AGO1: variants seen among roughly 807,000 people sequenced by gnomAD.
AGO1 encodes the protein protein argonaute-1.
In AGO1, 11 loss-of-function variants were observed where a neutral mutation model predicts 109.2. That is an observed-to-expected ratio of 0.10 (90% CI 0.06 to 0.17). The LOEUF is 0.17. Ranked by LOEUF, AGO1 falls within the 10% of genes least tolerant of loss-of-function variation. The pLI is 1.00. For missense variants in AGO1, 574 were observed against 1,140.3 expected (o/e 0.50, Z 7.15); for synonymous variants, 422 against 418.6 (o/e 1.01, Z -0.10).
intron 11 of AGO1, among the ~76,000 whole-genome samples, chr1:35,905,921 CT>C (rs1032852863): frequency 1.4e-4 from 21 of 152,292 alleles, no homozygotes; most frequent in African/African-American, 4.8e-4. Flanking sequence ...TGAAAAAATA[CT>C]TTCTCATAAA....
chr1:35,876,963 T>C (rs1018399860), intron 1 of AGO1, among the ~76,000 whole-genome samples: 25 of 152,184 alleles, frequency 1.6e-4, no homozygotes, highest in Non-Finnish European at 2.9e-5. Flanking sequence ...AATTTTTCTA[T>C]TTTTTGTAGA....
At chr1:35,891,595 C>T (rs986341451) in intron 2 of AGO1, among the ~76,000 whole-genome samples, 6 of 151,614 alleles carry the variant, frequency 4.0e-5, no homozygotes, top group South Asian at 2.1e-4. Flanking sequence ...GACGGAGTCT[C>T]ACTTTATCGT....
chr1:35,893,537 T>A lies in AGO1; in HGVS notation c.513-137T>A. On this transcript the variant is annotated intron_variant, in intron 4 of 18. Transcript: ENST00000373204. The surrounding 1 kb of genome is among the most constrained non-coding windows in gnomAD (Gnocchi z 5.6). ...GTAGAAACTTGTACAAGGTCAGTCA[T>A]ACAACTAGTAAAGCATCAGAGCTGG... 1 of 973,692 alleles carries A rather than the reference T, an allele frequency of 1.0e-6. No individual in the cohort carries two copies. The highest frequency in any genetic ancestry group is 1.7e-5 in the South Asian group (1 of 58,386). 60.3% of individuals were successfully genotyped at this position (973,692 alleles called of 1,614,324 possible).
At chr1:35,879,529 G>T (rs1481145820), upstream of AGO1, among the ~76,000 whole-genome samples, 1 of 151,708 alleles carries the variant, frequency 6.6e-6, no homozygotes, top group Non-Finnish European at 1.5e-5. Context: ...AGGCCGAGGT[G>T]GGCGGATCAC....
At chr1:35,877,897 T>C (rs1645005145) in intron 1 of AGO1, among the ~76,000 whole-genome samples, 1 of 151,696 alleles carries the variant, frequency 6.6e-6, no homozygotes, top group Non-Finnish European at 1.5e-5. Flanking sequence ...CTCACCATAT[T>C]GGCCAGGCTG....
chr1:35,872,318 C>T (rs1013107463), intron 1 of AGO1, among the ~76,000 whole-genome samples: 2 of 150,396 alleles, frequency 1.3e-5, no homozygotes, highest in African/African-American at 2.4e-5. Context: ...CCTGAGTAGT[C>T]GGGATTACAG....
chr1:35,901,824 T>C lies in AGO1; in HGVS notation c.1141-124T>C. On this transcript the variant is annotated intron_variant, in intron 9 of 18. Transcript: ENST00000373204. This position sits in a 1 kb window ranked among gnomAD's most constrained non-coding sequence, Gnocchi z 4.8. ...CACTTCCCTCATCTTCCACTTTCTCTCTCTTTTTAGGACTATTCCGTACCA... is the reference window on the plus strand; with the variant it reads ...CACTTCCCTCATCTTCCACTTTCTCCCTCTTTTTAGGACTATTCCGTACCA... The C allele has an allele frequency of 7.1e-6, 10 of 1,412,286 alleles. No homozygotes were observed. Among genetic ancestry groups the C allele is most frequent in the Non-Finnish European group, 9.6e-6 (10 of 1,041,104 alleles). 87.5% of individuals were successfully genotyped at this position (1,412,286 alleles called of 1,614,324 possible).
chr1:35,895,002 C>T (rs990736480), intron 7 of AGO1, 120 bp from the exon 8 acceptor site: 1 of 1,217,250 alleles, frequency 8.2e-7, no homozygotes, highest in African/African-American at 1.6e-5. Context: ...TTCCTTCCTG[C>T]ACATCATATT....
intron 1 of AGO1, among the ~76,000 whole-genome samples, chr1:35,875,820 T>C (rs1414780230): frequency 6.6e-6 from 1 of 152,238 alleles, no homozygotes; most frequent in Non-Finnish European, 1.5e-5. Flanking sequence ...CCAAGAGCTC[T>C]GATGGAGTTG....
At chr1:35,870,435 C>T (rs897151893) in intron 1 of AGO1, among the ~76,000 whole-genome samples, 16 of 152,106 alleles carry the variant, frequency 1.1e-4, no homozygotes, top group African/African-American at 1.7e-4. Context: ...AGGCGCCCGC[C>T]ACCACGCCCG....
rs1002947890 is a variant in AGO1 at position 35,923,102 on chromosome 1, C to G, written c.*3495C>G. ...CAGTCCAACCTGATCCATTAGGGAT[C>G]GAGGTGCTACACTGGCCTCCAGGGA... On this transcript the variant is annotated 3_prime_UTR_variant, in exon 19 of 19. Transcript: ENST00000373204. 6.6e-6 allele frequency: 1 copy of G among 152,138 alleles called. No homozygotes were observed. Among genetic ancestry groups the G allele is most frequent in the Non-Finnish European group, 1.5e-5 (1 of 68,044 alleles). 9.4% of individuals were successfully genotyped at this position (152,138 alleles called of 1,614,324 possible). A position where few individuals can be genotyped will look rare whatever the true frequency, so the allele number is the denominator to read the frequency against.
chr1:35,914,264 C>T lies in AGO1; in HGVS notation c.1823C>T (p.Ser608Phe). The change falls in exon 14 of 19, where the codon TCT becomes TTT. Residue 608 changes from serine (S) to phenylalanine (F), a missense_variant. Coordinates refer to ENST00000373204, the MANE Select transcript of AGO1 (RefSeq NM_012199.5). ...HPPAGDGKKP[S>F]ITAVVGSMDA... ...CCAGCAGGGGATGGGAAAAAACCTTCTATCACAGCAGTGAGTGATATTCTG... is the reference window on the plus strand; with the variant it reads ...CCAGCAGGGGATGGGAAAAAACCTTTTATCACAGCAGTGAGTGATATTCTG... 6.2e-7 allele frequency: 1 copy of T among 1,613,878 alleles called. No individual in the cohort carries two copies. The highest frequency in any genetic ancestry group is 8.5e-7 in the Non-Finnish European group (1 of 1,179,734).
rs758585810 is a variant in AGO1 at position 35,919,621 on chromosome 1, T to A, written c.*14T>A. 2 of 1,609,012 alleles carry A rather than the reference T, an allele frequency of 1.2e-6. No individual in the cohort carries two copies. Among genetic ancestry groups the A allele is most frequent in the Admixed American group, 3.3e-5 (2 of 59,724 alleles). ...TACTTCGCTTGAAGGCAGAACGCTG[T>A]TACCTCACTGGATAGAAGAAAGCTT... On this transcript the variant is annotated 3_prime_UTR_variant, in exon 19 of 19. Coordinates refer to ENST00000373204, the MANE Select transcript of AGO1 (RefSeq NM_012199.5). This position sits in a 1 kb window ranked among gnomAD's most constrained non-coding sequence, Gnocchi z 6.6.
At chr1:35,896,254 C>T (rs903476768) in intron 8 of AGO1, among the ~76,000 whole-genome samples, 1 of 152,234 alleles carries the variant, frequency 6.6e-6, no homozygotes, top group African/African-American at 2.4e-5. Flanking sequence ...CCACCTTGGC[C>T]TCCCAAAGTG....
chr1:35,876,780 A>G (rs1055490747), intron 1 of AGO1, among the ~76,000 whole-genome samples: 5 of 152,102 alleles, frequency 3.3e-5, no homozygotes, highest in African/African-American at 1.2e-4. Context: ...ATTGCATGCT[A>G]TAGAGAATTT....
In AGO1 at chr1:35,892,672, G is replaced by A. The variant is rs371043471; in HGVS notation, c.325G>A (p.Glu109Lys). The A allele has an allele frequency of 1.9e-6, 3 of 1,614,110 alleles. No individual in the cohort carries two copies. Among genetic ancestry groups the A allele is most frequent in the East Asian group, 2.2e-5 (1 of 44,894 alleles). Residue 109 changes from glutamate to lysine, a missense_variant, in exon 3 of 19, where the codon GAA becomes AAA. Physicochemically the swap from Glu to Lys is moderately conservative, Grantham distance 56 (BLOSUM62 1). Around this residue, in one of 8 missense-constraint regions of AGO1, gnomAD observed 129 missense variants for 243.0 expected, o/e 0.53. Coordinates refer to ENST00000373204, the MANE Select transcript of AGO1 (RefSeq NM_012199.5). ...YTVTALPIGN[E>K]RVDFEVTIPG... The stretch of plus-strand genomic sequence containing the variant: ...TGTCACAGCACTGCCCATTGGCAAC[G>A]AACGGGTAAGGTTGGGAGTCAGGCT...
upstream of AGO1, among the ~76,000 whole-genome samples, chr1:35,878,289 G>A (rs1458064279): frequency 6.6e-6 from 1 of 151,082 alleles, no homozygotes; most frequent in Non-Finnish European, 1.5e-5. Context: ...GTTTCAACTT[G>A]TTAGCCAGGA....
At chr1:35,877,986 C>T (rs898649914) in intron 1 of AGO1, among the ~76,000 whole-genome samples, 4 of 151,942 alleles carry the variant, frequency 2.6e-5, no homozygotes, top group African/African-American at 7.3e-5. Context: ...CCACTGCACC[C>T]GGCCCAATAT....
At chr1:35,890,767 A>G (rs554292507) in intron 2 of AGO1, among the ~76,000 whole-genome samples, 1 of 152,352 alleles carries the variant, frequency 6.6e-6, no homozygotes, top group African/African-American at 2.4e-5. Flanking sequence ...TCAATAAGGC[A>G]TCAGAGTGTG....
Sources: gnomAD v4.1 joint callset for allele counts (sites outside exome capture counted in the v4.1 genomes callset) on GRCh38, gnomAD v4.1.1 for gene constraint, gnomAD v4.1.1 regional missense constraint, Gnocchi (gnomAD v3.1) non-coding constraint, MANE v1.5 for transcripts, NCBI Gene and HGNC (gene_info 2026-07-23, HGNC 2026-07-21) for gene names.